The following PEX14 variants were observed in gnomAD, a reference collection of about 807,000 sequenced individuals.
The protein encoded by PEX14 is peroxisomal membrane protein PEX14.
In PEX14, 15 loss-of-function variants were observed where a neutral mutation model predicts 49.5. The observed-to-expected ratio is 0.30, with a 90% CI of 0.20 to 0.47. The LOEUF (loss-of-function observed/expected upper bound fraction) is 0.47, where lower values mean the gene tolerates loss of function less well. Among genes scored for constraint, PEX14 ranks in the 20% least tolerant of loss-of-function variants. The probability of loss-of-function intolerance (pLI) is 1.00; values close to 1 mark genes in which losing one functional copy is unlikely to be tolerated. For synonymous variants in PEX14, 210 were observed against 212.7 expected (o/e 0.99, Z 0.11); for missense variants, 398 against 494.8 (o/e 0.80, Z 1.86).
chr1:10,563,664 C>T (rs1639718565), intron 3 of PEX14, among the ~76,000 whole-genome samples: 1 of 151,990 alleles, frequency 6.6e-6, no homozygotes, highest in African/African-American at 2.4e-5. Flanking sequence ...GTGGCTCACA[C>T]CTGTAATCCC....
chr1:10,605,093 A>C (rs1641090270), intron 4 of PEX14, among the ~76,000 whole-genome samples: 1 of 152,062 alleles, frequency 6.6e-6, no homozygotes, highest in South Asian at 2.1e-4. Flanking sequence ...TCCCCTATTA[A>C]ACTGTGAGTT....
intron 2 of PEX14, among the ~76,000 whole-genome samples, chr1:10,527,208 T>G (rs1638510985): frequency 1.5e-5 from 1 of 67,044 alleles, no homozygotes; most frequent in Non-Finnish European, 3.9e-5. Context: ...TGAGACTCTG[T>G]CTCAAAAAAA....
At chr1:10,496,017 C>T (rs908253354) in intron 2 of PEX14, among the ~76,000 whole-genome samples, 22 of 152,316 alleles carry the variant, frequency 1.4e-4, no homozygotes, top group African/African-American at 5.3e-4. Flanking sequence ...AGAGCTTTTT[C>T]TTCCTGCGTA....
chr1:10,568,190 C>G (rs56973193), intron 3 of PEX14, among the ~76,000 whole-genome samples: 2,644 of 152,214 alleles, frequency 0.017, 70 homozygotes, highest in African/African-American at 0.061. Context: ...ACCTCCAGAA[C>G]AGTGATAAAT....
At chr1:10,605,141 C>T (rs1020047633) in intron 4 of PEX14, among the ~76,000 whole-genome samples, 1 of 152,100 alleles carries the variant, frequency 6.6e-6, no homozygotes, top group African/African-American at 2.4e-5. Context: ...GAGGCTCTGA[C>T]TGAGCAGGTG....
Position 10,629,587 on chromosome 1 carries a change from T to A in PEX14, c.734T>A (p.Val245Asp). ...APKIPSWQIP[V>D]KSPSPSSPAA... is the part of the protein sequence containing the mutation. ...AAGATCCCCTCCTGGCAGATCCCAG[T>A]CAAGTCACCGTCACCCTCCAGCCCT... is the stretch of plus-strand genomic sequence containing the variant. The change falls in exon 9 of 9, where the codon GTC (valine) becomes GAC (aspartate). Residue 245 changes from valine (V) to aspartate (D), a missense_variant. By Grantham distance (152) the Val-to-Asp change is radical. Coordinates refer to ENST00000356607, the MANE Select transcript of PEX14 (RefSeq NM_004565.3). This position sits in a 1 kb window ranked among gnomAD's most constrained non-coding sequence, Gnocchi z 8.5. The A allele has an allele frequency of 6.2e-7, 1 of 1,613,904 alleles. No homozygotes were observed. The highest frequency in any genetic ancestry group is 8.5e-7 in the Non-Finnish European group (1 of 1,179,980).
intron 3 of PEX14, among the ~76,000 whole-genome samples, chr1:10,593,746 AAT>A (rs1310556323): frequency 3.3e-5 from 5 of 152,296 alleles, no homozygotes; most frequent in Non-Finnish European, 7.4e-5. Context: ...GGTGATATAT[AAT>A]ATTTTTTTTG....
At chr1:10,570,958 C>A (rs1387337367) in intron 3 of PEX14, among the ~76,000 whole-genome samples, 1 of 146,236 alleles carries the variant, frequency 6.8e-6, no homozygotes, top group African/African-American at 2.5e-5. Context: ...AGGTAATCCT[C>A]TCACCTTAGC....
intron 3 of PEX14, among the ~76,000 whole-genome samples, chr1:10,594,226 G>A (rs1640761707): frequency 6.6e-6 from 1 of 152,158 alleles, no homozygotes; most frequent in Non-Finnish European, 1.5e-5. Context: ...TTTTCTGAGA[G>A]AGTTGATTTT....
intron 4 of PEX14, among the ~76,000 whole-genome samples, chr1:10,612,302 A>C (rs1191966854): frequency 6.6e-6 from 1 of 151,952 alleles, no homozygotes; most frequent in Non-Finnish European, 1.5e-5. Flanking sequence ...CCATGTAAGC[A>C]TGGGTCTATT....
intron 3 of PEX14, among the ~76,000 whole-genome samples, chr1:10,541,455 C>T (rs1639009695): frequency 6.6e-6 from 1 of 152,166 alleles, no homozygotes; most frequent in Non-Finnish European, 1.5e-5. Flanking sequence ...CTCTTTCTCC[C>T]GTAGCCCTGC....
At chr1:10,507,663 G>C (rs549027566) in intron 2 of PEX14, among the ~76,000 whole-genome samples, 2 of 152,320 alleles carry the variant, frequency 1.3e-5, no homozygotes, top group East Asian at 3.9e-4. Context: ...GCGGGGAGAA[G>C]GTTGGACAAT....
At chr1:10,577,590 T>G (rs1262894451) in intron 3 of PEX14, among the ~76,000 whole-genome samples, 32 of 27,916 alleles carry the variant, frequency 1.1e-3, no homozygotes, top group African/African-American at 4.4e-3. Context: ...TTTTTTTTTT[T>G]TTTTTTTTTT....
chr1:10,609,842 A>C (rs1200666484), intron 4 of PEX14, among the ~76,000 whole-genome samples: 2 of 152,040 alleles, frequency 1.3e-5, no homozygotes, highest in Non-Finnish European at 2.9e-5. Flanking sequence ...TTGAGATTGC[A>C]CCATTGTACT....
rs139411219 is a variant in PEX14 at position 10,539,263 on chromosome 1, G to T, written c.169+2966G>T. Among the ~76,000 whole-genome samples the T allele has an allele frequency of 6.6e-6, 1 of 152,046 alleles. No homozygotes were observed. Among genetic ancestry groups the T allele is most frequent in the African/African-American group, 2.4e-5 (1 of 41,400 alleles). On this transcript the variant is annotated intron_variant, in intron 3 of 8. Transcript: ENST00000356607. This position sits in a 1 kb window ranked among gnomAD's most constrained non-coding sequence, Gnocchi z 4.6. ...GCATTGGTTTGCAAAGGTCTTTCCT[G>T]TTACTTTTTTTTTGTTTTTTGTTTT...
chr1:10,481,625 T>C (rs767391367), intron 1 of PEX14, among the ~76,000 whole-genome samples: 12 of 150,714 alleles, frequency 8.0e-5, no homozygotes, highest in Middle Eastern at 3.4e-3. Flanking sequence ...TTTGTAGAGG[T>C]CGGGTCTCGC....
At chr1:10,541,050 A>G (rs1638993670) in intron 3 of PEX14, among the ~76,000 whole-genome samples, 1 of 152,220 alleles carries the variant, frequency 6.6e-6, no homozygotes, top group Non-Finnish European at 1.5e-5. Flanking sequence ...TGTTCGTTAT[A>G]GACGACCAGA....
chr1:10,600,160 C>T (rs1177444876), intron 4 of PEX14, among the ~76,000 whole-genome samples: 1 of 152,252 alleles, frequency 6.6e-6, no homozygotes, highest in Non-Finnish European at 1.5e-5. Flanking sequence ...TGGCTCACGC[C>T]TCTAATCCCT....
chr1:10,480,561 T>G (rs1641266374), intron 1 of PEX14, among the ~76,000 whole-genome samples: 1 of 151,630 alleles, frequency 6.6e-6, no homozygotes, highest in Non-Finnish European at 1.5e-5. Context: ...GCCCAGCTAA[T>G]TTTTTTGTAT....
Sources: allele counts gnomAD v4.1 joint callset (sites outside exome capture counted in the v4.1 genomes callset), GRCh38; gene constraint gnomAD v4.1.1; non-coding constraint Gnocchi (gnomAD v3.1); transcripts MANE v1.5; gene names NCBI Gene and HGNC (gene_info 2026-07-23, HGNC 2026-07-21).